Variants in PCDH15 observed in about 807,000 individuals in gnomAD.
PCDH15 encodes the protein protocadherin related 15.
In PCDH15, 129 loss-of-function variants were observed where a neutral mutation model predicts 178.5. The observed-to-expected ratio is 0.72, with a 90% CI of 0.63 to 0.84. PCDH15 has a LOEUF of 0.84. Among genes scored for constraint, PCDH15 ranks in the 40% least tolerant of loss-of-function variants. The probability of loss-of-function intolerance (pLI) is 0.00; values close to 1 mark genes in which losing one functional copy is unlikely to be tolerated. For synonymous variants in PCDH15, 800 were observed against 732.0 expected (o/e 1.09, Z -1.50); for missense variants, 2,230 against 2,099.9 (o/e 1.06, Z -1.21).
chr10:55,031,432 G>A (rs934105984), intron 2 of PCDH15, among the ~76,000 whole-genome samples: 1 of 152,150 alleles, frequency 6.6e-6, no homozygotes, highest in African/African-American at 2.4e-5. Context: ...ATAAAAGGAA[G>A]CAGGGTAGGC....
chr10:54,925,937 ATTTG>A (rs1837611236), intron 2 of PCDH15, among the ~76,000 whole-genome samples: 1 of 151,940 alleles, frequency 6.6e-6, no homozygotes, highest in Non-Finnish European at 1.5e-5. Context: ...GGATGTGTTT[ATTTG>A]TTTGTTGTGC....
intron 2 of PCDH15, among the ~76,000 whole-genome samples, chr10:55,131,817 TAGGC>T (rs1304794525): frequency 6.6e-6 from 1 of 152,136 alleles, no homozygotes; most frequent in East Asian, 1.9e-4. Context: ...GATTGGTCTA[TAGGC>T]AGCCATGGTT....
intron 2 of PCDH15, among the ~76,000 whole-genome samples, chr10:55,129,864 T>C (rs565053741): frequency 4.6e-5 from 7 of 152,156 alleles, no homozygotes; most frequent in Non-Finnish European, 7.4e-5. Context: ...GTTGAGGAGA[T>C]AGATAATATT....
chr10:55,606,670 G>T (rs1376488012), intron 2 of PCDH15, among the ~76,000 whole-genome samples: 23 of 147,644 alleles, frequency 1.6e-4, no homozygotes, highest in South Asian at 1.1e-3. Flanking sequence ...TTAATAAATG[G>T]TGCTGGGAAA....
At chr10:54,450,707 G>GA (rs1004928714) in intron 3 of PCDH15, among the ~76,000 whole-genome samples, 20 of 149,606 alleles carry the variant, frequency 1.3e-4, no homozygotes, top group Admixed American at 2.0e-4. Context: ...AGCTTCAATT[G>GA]AAAAAAAAAT....
chr10:55,055,775 T>C (rs1172861933), intron 2 of PCDH15, among the ~76,000 whole-genome samples: 1 of 151,890 alleles, frequency 6.6e-6, no homozygotes, highest in Non-Finnish European at 1.5e-5. Context: ...TGCCACTGCA[T>C]TCCAACCTGG....
At chr10:55,154,193 TTAAG>T (rs750372193) in intron 2 of PCDH15, among the ~76,000 whole-genome samples, 5 of 152,160 alleles carry the variant, frequency 3.3e-5, no homozygotes, top group African/African-American at 9.6e-5. Context: ...TTTACACTAC[TTAAG>T]TATGTAAAAA....
At chr10:54,433,146 T>C (rs1385888237) in intron 3 of PCDH15, among the ~76,000 whole-genome samples, 2 of 152,138 alleles carry the variant, frequency 1.3e-5, no homozygotes, top group Non-Finnish European at 2.9e-5. Flanking sequence ...ACAACTACTA[T>C]GGAGAGCAGT....
chr10:54,414,288 G>A (rs4935519), intron 3 of PCDH15, among the ~76,000 whole-genome samples: 7 of 151,894 alleles, frequency 4.6e-5, no homozygotes, highest in African/African-American at 1.5e-4. Context: ...TCATTTACTC[G>A]AATCTACAAA....
chr10:55,561,657 C>T (rs1842203486), intron 2 of PCDH15, among the ~76,000 whole-genome samples: 1 of 151,778 alleles, frequency 6.6e-6, no homozygotes, highest in African/African-American at 2.4e-5. Context: ...TTAAGACAAA[C>T]ATCTTACCTG....
chr10:55,225,393 C>A (rs965409510), intron 1 of PCDH15, among the ~76,000 whole-genome samples: 1 of 151,916 alleles, frequency 6.6e-6, no homozygotes, highest in African/African-American at 2.4e-5. Context: ...AGAAAAAACC[C>A]CTTTAGAGCA....
At chr10:55,315,397 T>C (rs7094925) in intron 1 of PCDH15, among the ~76,000 whole-genome samples, 9,761 of 152,246 alleles carry the variant, frequency 0.064, 383 homozygotes, top group African/African-American at 0.098. Context: ...TCAAGTGCTG[T>C]AGATGACAAA....
At chr10:54,874,435 G>A (rs912341251) in intron 3 of PCDH15, among the ~76,000 whole-genome samples, 11 of 151,328 alleles carry the variant, frequency 7.3e-5, no homozygotes, top group East Asian at 3.9e-4. Flanking sequence ...ATAAACATAC[G>A]TGTGCATGTG....
intron 11 of PCDH15, among the ~76,000 whole-genome samples, chr10:54,185,556 T>C (rs985840098): frequency 3.3e-5 from 5 of 151,988 alleles, no homozygotes; most frequent in Non-Finnish European, 7.4e-5. Context: ...AACTCCCAAT[T>C]AAATATATTC....
intron 2 of PCDH15, among the ~76,000 whole-genome samples, chr10:55,578,954 AT>A (rs1476030789): frequency 6.6e-6 from 1 of 152,140 alleles, no homozygotes; most frequent in Non-Finnish European, 1.5e-5. Context: ...GGGAGCTACA[AT>A]TCAAGATGAG....
intron 2 of PCDH15, among the ~76,000 whole-genome samples, chr10:55,539,661 T>G (rs533452822): frequency 2.0e-5 from 3 of 152,248 alleles, no homozygotes; most frequent in African/African-American, 7.2e-5. Context: ...AACTGTCACT[T>G]TTCAGAATGA....
intron 18 of PCDH15, among the ~76,000 whole-genome samples, chr10:54,033,595 C>G (rs552655057): frequency 6.6e-6 from 1 of 152,000 alleles, no homozygotes; most frequent in East Asian, 1.9e-4. Context: ...TATCTCTGAG[C>G]TTGTACTCAA....
intron 2 of PCDH15, among the ~76,000 whole-genome samples, chr10:55,558,778 A>G (rs1842138434): frequency 6.6e-6 from 1 of 152,086 alleles, no homozygotes; most frequent in Non-Finnish European, 1.5e-5. Context: ...CCCCTCACAG[A>G]TTCCTGAAAT....
At chr10:53,860,347 C>T (rs909163144) in intron 27 of PCDH15, among the ~76,000 whole-genome samples, 1 of 152,084 alleles carries the variant, frequency 6.6e-6, no homozygotes, top group African/African-American at 2.4e-5. Flanking sequence ...TTCTGACCAA[C>T]GTAAACTTAG....
Sources: allele counts gnomAD v4.1 joint callset (sites outside exome capture counted in the v4.1 genomes callset), GRCh38; gene constraint gnomAD v4.1.1; transcripts MANE v1.5; gene names NCBI Gene and HGNC (gene_info 2026-07-23, HGNC 2026-07-21).